The following RAPGEF4 variants were observed in gnomAD, a reference collection of about 807,000 sequenced individuals.
RAPGEF4 encodes the protein Rap guanine nucleotide exchange factor 4.
Under a neutral mutation model 147.9 loss-of-function variants are expected in RAPGEF4, and 66 were observed. The observed-to-expected ratio is 0.45, with a 90% CI of 0.37 to 0.55. RAPGEF4 has a LOEUF of 0.55. Among genes scored for constraint, RAPGEF4 ranks in the 20% least tolerant of loss-of-function variants. The pLI is 0.00. For synonymous variants in RAPGEF4, 419 were observed against 442.7 expected (o/e 0.95, Z 0.67); for missense variants, 1,071 against 1,257.3 (o/e 0.85, Z 2.24).
At chr2:172,829,652 A>G (rs1690074213) in intron 4 of RAPGEF4, among the ~76,000 whole-genome samples, 1 of 152,162 alleles carries the variant, frequency 6.6e-6, no homozygotes, top group South Asian at 2.1e-4. Context: ...TAGTCTGAAG[A>G]AGATAATTTA....
intron 1 of RAPGEF4, among the ~76,000 whole-genome samples, chr2:172,788,568 T>A (rs1241157383): frequency 6.6e-6 from 1 of 152,164 alleles, no homozygotes; most frequent in African/African-American, 2.4e-5. Flanking sequence ...CTGGATCCTC[T>A]GTTCAGAGTA....
Position 173,031,358 on chromosome 2 carries a change from G to A in RAPGEF4, c.2649+1104G>A, listed in dbSNP as rs573904242. Among the ~76,000 whole-genome samples, 46 of 152,298 alleles carry A rather than the reference G, an allele frequency of 3.0e-4. 1 individual carries two copies. The highest frequency in any genetic ancestry group is 5.1e-4 in the Non-Finnish European group (35 of 68,026). On this transcript the variant is annotated intron_variant, in intron 26 of 30. Coordinates refer to ENST00000397081, the MANE Select transcript of RAPGEF4 (RefSeq NM_007023.4). ...TCCAGCTAGTAAAAGGACGGAGCTCGTGCTGCCAAGAGATCTAAGCACAAA... is the reference window on the plus strand; with the variant it reads ...TCCAGCTAGTAAAAGGACGGAGCTCATGCTGCCAAGAGATCTAAGCACAAA...
chr2:172,869,837 C>T (rs1354712153), intron 4 of RAPGEF4, among the ~76,000 whole-genome samples: 2 of 152,070 alleles, frequency 1.3e-5, no homozygotes, highest in African/African-American at 2.4e-5. Flanking sequence ...TGAGCTCAGA[C>T]AATGTAAAAT....
chr2:172,807,276 C>T (rs1465362722), intron 3 of RAPGEF4, among the ~76,000 whole-genome samples: 1 of 152,254 alleles, frequency 6.6e-6, no homozygotes, highest in African/African-American at 2.4e-5. Context: ...TGGCTCTCCA[C>T]TGAAATGAGG....
At chr2:172,906,430 A>C (rs183384390) in intron 4 of RAPGEF4, among the ~76,000 whole-genome samples, 41 of 152,318 alleles carry the variant, frequency 2.7e-4, no homozygotes, top group African/African-American at 9.6e-4. Context: ...ATGCCTGTCA[A>C]TTATCCCTGT....
intron 1 of RAPGEF4, among the ~76,000 whole-genome samples, chr2:172,794,105 T>A (rs1214628528): frequency 6.6e-6 from 1 of 151,842 alleles, no homozygotes; most frequent in Non-Finnish European, 1.5e-5. Flanking sequence ...ACAGCCTGGG[T>A]GACAAAGTGA....
chr2:172,781,682 A>G (rs1684695186), intron 1 of RAPGEF4, among the ~76,000 whole-genome samples: 1 of 152,170 alleles, frequency 6.6e-6, no homozygotes, highest in South Asian at 2.1e-4. Flanking sequence ...CAAAATCTGC[A>G]GACGCTCGAG....
chr2:172,872,701 G>A (rs1222297446), intron 4 of RAPGEF4, among the ~76,000 whole-genome samples: 1 of 152,020 alleles, frequency 6.6e-6, no homozygotes, highest in Non-Finnish European at 1.5e-5. Flanking sequence ...GGTAAGACAT[G>A]CCTGCTTCCC....
At chr2:172,952,535 A>G (rs1182249579) in intron 6 of RAPGEF4, among the ~76,000 whole-genome samples, 1 of 152,230 alleles carries the variant, frequency 6.6e-6, no homozygotes, top group Non-Finnish European at 1.5e-5. Flanking sequence ...GCTTGTGTAC[A>G]TCTCTTAGCT....
intron 23 of RAPGEF4, among the ~76,000 whole-genome samples, chr2:173,021,399 A>C (rs1696073431): frequency 6.6e-6 from 1 of 152,212 alleles, no homozygotes. Flanking sequence ...TGGTTTCTTC[A>C]GTCTTTGGAT....
intron 4 of RAPGEF4, chr2:172,893,968 C>T (rs1559103227): frequency 2.0e-5 from 3 of 152,882 alleles, no homozygotes; most frequent in African/African-American, 7.2e-5. Flanking sequence ...GAAAATTCTG[C>T]CCAAATCTTT....
intron 10 of RAPGEF4, among the ~76,000 whole-genome samples, chr2:172,973,428 G>A (rs938736761): frequency 1.3e-5 from 2 of 152,046 alleles, no homozygotes; most frequent in African/African-American, 2.4e-5. Flanking sequence ...CTTCTTAAGA[G>A]CAGCAAAAAA....
chr2:173,023,567 C>A (rs1696325567), intron 23 of RAPGEF4, among the ~76,000 whole-genome samples: 1 of 152,158 alleles, frequency 6.6e-6, no homozygotes, highest in South Asian at 2.1e-4. Flanking sequence ...GTCAACCTGC[C>A]CTACGCCGGG....
At chr2:172,875,349 T>C (rs980473055) in intron 4 of RAPGEF4, among the ~76,000 whole-genome samples, 48 of 152,078 alleles carry the variant, frequency 3.2e-4, no homozygotes, top group African/African-American at 1.1e-3. Context: ...TGGTATTGCC[T>C]AGGTTTTCTT....
chr2:172,823,908 C>A (rs1689379045), intron 4 of RAPGEF4, among the ~76,000 whole-genome samples: 2 of 152,332 alleles, frequency 1.3e-5, no homozygotes, highest in Middle Eastern at 6.8e-3. Flanking sequence ...AGCTCTCCAG[C>A]TTCCTAGGCC....
At chr2:173,003,607 C>A (rs1694159416) in intron 17 of RAPGEF4, among the ~76,000 whole-genome samples, 1 of 151,974 alleles carries the variant, frequency 6.6e-6, no homozygotes, top group African/African-American at 2.4e-5. Flanking sequence ...CTGAAGTTAC[C>A]CCCAGCCCCC....
chr2:172,841,051 AC>A (rs992589261), intron 4 of RAPGEF4, among the ~76,000 whole-genome samples: 8 of 152,230 alleles, frequency 5.3e-5, no homozygotes, highest in Admixed American at 5.2e-4. Context: ...AAAGTGATAG[AC>A]CCTCTCCCCA....
intron 1 of RAPGEF4, among the ~76,000 whole-genome samples, chr2:172,738,393 A>C (rs1559014727): frequency 6.6e-6 from 1 of 152,134 alleles, no homozygotes; most frequent in Non-Finnish European, 1.5e-5. Context: ...ATAAACAGCT[A>C]ACCACAATGC....
At chr2:172,868,981 G>A (rs1314084028) in intron 4 of RAPGEF4, among the ~76,000 whole-genome samples, 7 of 152,152 alleles carry the variant, frequency 4.6e-5, no homozygotes, top group African/African-American at 1.4e-4. Flanking sequence ...CCATCCTCCC[G>A]CCTTGGCCTC....
Sources: allele counts gnomAD v4.1 joint callset (sites outside exome capture counted in the v4.1 genomes callset), GRCh38; gene constraint gnomAD v4.1.1; transcripts MANE v1.5; gene names NCBI Gene and HGNC (gene_info 2026-07-23, HGNC 2026-07-21).